The following VTA1 variants were observed in gnomAD, a reference collection of about 807,000 sequenced individuals.
VTA1 encodes the protein vesicle trafficking 1, also known as vacuolar protein sorting-associated protein VTA1 homolog.
Under a neutral mutation model 36.9 loss-of-function variants are expected in VTA1, and 24 were observed. That is an observed-to-expected ratio of 0.65 (90% confidence interval 0.47 to 0.91). The LOEUF (loss-of-function observed/expected upper bound fraction) is 0.91, where lower values mean the gene tolerates loss of function less well. Among genes scored for constraint, VTA1 ranks in the 40% least tolerant of loss-of-function variants. VTA1 has a pLI of 0.00. For missense variants in VTA1, 393 were observed against 377.2 expected, an observed-to-expected ratio of 1.04 and a Z score of -0.35; for synonymous variants, 142 against 130.2, an observed-to-expected ratio of 1.09 and a Z score of -0.62.
chr6:142,212,611 G>C (rs1775926348), intron 7 of VTA1, among the ~76,000 whole-genome samples: 1 of 152,136 alleles, frequency 6.6e-6, no homozygotes, highest in Non-Finnish European at 1.5e-5. Context: ...TTGCTATAAA[G>C]AACTACCTGA....
intron 7 of VTA1, among the ~76,000 whole-genome samples, chr6:142,213,487 C>T (rs534261963): frequency 2.2e-4 from 33 of 152,334 alleles, no homozygotes; most frequent in South Asian, 8.3e-4. Context: ...GCCCTCTTCT[C>T]ACAGCTCCAC....
chr6:142,185,270 G>C (rs1775319275), intron 4 of VTA1, among the ~76,000 whole-genome samples: 1 of 152,036 alleles, frequency 6.6e-6, no homozygotes, highest in Non-Finnish European at 1.5e-5. Context: ...CAGATGAGTA[G>C]CTCCCTAAGG....
Position 142,221,633 on chromosome 6 carries a change from A to G in VTA1, c.*2990A>G, listed in dbSNP as rs931004566. On this transcript the variant is annotated 3_prime_UTR_variant, in exon 8 of 8. Transcript: ENST00000367630. ...CCGTAAGGTGGGTGGTAAGTAAGGG[A>G]GGAAGCTGGGAGACCAGTTAAAAAG... 6.6e-6 allele frequency: 1 copy of G among 152,040 alleles called. No homozygotes were observed. Among genetic ancestry groups the G allele is most frequent in the African/African-American group, 2.4e-5 (1 of 41,382 alleles). The allele number at this position is 152,040 out of a possible 1,614,324, so 9.4% of individuals were successfully genotyped here.
At chr6:142,203,914 T>C (rs1775736820) in intron 6 of VTA1, 71 bp from the exon 7 acceptor site, 5 of 1,267,146 alleles carry the variant, frequency 3.9e-6, no homozygotes, top group Non-Finnish European at 4.5e-6. Context: ...TCATGATTTT[T>C]AAGTGCTGCC....
intron 4 of VTA1, among the ~76,000 whole-genome samples, chr6:142,172,495 A>G (rs956886023): frequency 2.0e-5 from 3 of 152,202 alleles, no homozygotes; most frequent in Non-Finnish European, 2.9e-5. Context: ...GCTCTCAGAT[A>G]TTTTATACTC....
chr6:142,188,299 C>T (rs1028916383), intron 4 of VTA1, among the ~76,000 whole-genome samples: 46 of 128,278 alleles, frequency 3.6e-4, no homozygotes, highest in Non-Finnish European at 6.1e-4. Context: ...GCAGTGGCGT[C>T]TGCCTCCTGG....
intron 4 of VTA1, among the ~76,000 whole-genome samples, chr6:142,176,094 A>G (rs776450997): frequency 3.3e-5 from 5 of 152,276 alleles, no homozygotes; most frequent in South Asian, 4.1e-4. Flanking sequence ...TTTTTCTGCT[A>G]TAGCATCTTG....
chr6:142,166,812 G>A (rs574951205), intron 2 of VTA1, among the ~76,000 whole-genome samples: 2 of 152,064 alleles, frequency 1.3e-5, no homozygotes, highest in South Asian at 4.1e-4. Flanking sequence ...TTTTGGTAGA[G>A]ATGGAGTTTG....
At chr6:142,186,684 T>G (rs1775345121) in intron 4 of VTA1, among the ~76,000 whole-genome samples, 1 of 152,054 alleles carries the variant, frequency 6.6e-6, no homozygotes, top group Non-Finnish European at 1.5e-5. Flanking sequence ...CAGTTTTAAT[T>G]TTAATTGTAT....
At chr6:142,185,014 A>G (rs1434793907) in intron 4 of VTA1, among the ~76,000 whole-genome samples, 3 of 152,054 alleles carry the variant, frequency 2.0e-5, no homozygotes. Flanking sequence ...TTATTCTCCA[A>G]GTATTTCCTT....
rs766034868 is a variant in VTA1 at position 142,218,519 on chromosome 6, A to T, written c.800A>T (p.Glu267Val). 2.5e-6 allele frequency: 4 copies of T among 1,613,372 alleles called. No homozygotes were observed. The highest frequency in any genetic ancestry group is 1.7e-4 in the Middle Eastern group (1 of 6,038). The change falls in exon 8 of 8, where the codon GAA becomes GTA. Residue 267 changes from glutamate to valine, a missense_variant. Glu to Val is a moderately radical substitution (Grantham distance 121, BLOSUM62 -2). Coordinates refer to ENST00000367630, the MANE Select transcript of VTA1 (RefSeq NM_016485.5). ...CTAGGGGATGTTCGTCTAACCCCAG[A>T]AGACTTTGCTAGAGCTCAGAAGTAC... Reference protein sequence around the residue: ...ISQGDVRLTPEDFARAQKYCK... With the variant: ...ISQGDVRLTPVDFARAQKYCK...
chr6:142,170,787 C>T (rs1417338800), intron 4 of VTA1, among the ~76,000 whole-genome samples: 2 of 151,972 alleles, frequency 1.3e-5, no homozygotes, highest in Non-Finnish European at 2.9e-5. Context: ...GCACAAGGCA[C>T]CATAGCTGGC....
At chr6:142,184,674 G>C (rs1321711541) in intron 4 of VTA1, among the ~76,000 whole-genome samples, 2 of 152,134 alleles carry the variant, frequency 1.3e-5, no homozygotes, top group Admixed American at 1.3e-4. Flanking sequence ...GAGAATGCAG[G>C]TAAGACAGGA....
At chr6:142,172,689 G>A (rs1775050574) in intron 4 of VTA1, among the ~76,000 whole-genome samples, 1 of 152,096 alleles carries the variant, frequency 6.6e-6, no homozygotes, top group Non-Finnish European at 1.5e-5. Context: ...CTAGTGTGAG[G>A]CACTATGCTA....
intron 6 of VTA1, among the ~76,000 whole-genome samples, chr6:142,203,261 T>C (rs1443200579): frequency 1.3e-5 from 2 of 152,052 alleles, no homozygotes; most frequent in African/African-American, 4.8e-5. Context: ...TCGAATTCAG[T>C]GTATTAGTTT....
intron 4 of VTA1, among the ~76,000 whole-genome samples, chr6:142,174,908 G>A (rs1278986099): frequency 6.6e-6 from 1 of 152,136 alleles, no homozygotes; most frequent in African/African-American, 2.4e-5. Flanking sequence ...AGAGCATCCT[G>A]GGCCTCACCA....
At chr6:142,164,197 TGAG>T (rs959015085) in intron 1 of VTA1, among the ~76,000 whole-genome samples, 1 of 152,182 alleles carries the variant, frequency 6.6e-6, no homozygotes, top group African/African-American at 2.4e-5. Flanking sequence ...AGCTTAAATT[TGAG>T]GAGGAAAGAG....
rs1039708377 is a variant in VTA1, at chr6:142,221,609, C to A, written c.*2966C>A. Reference sequence around the variant, plus strand: ...ATTGGCTCCTATGTTGAGAATAGACCGTAAGGTGGGTGGTAAGTAAGGGAG... The same window carrying A: ...ATTGGCTCCTATGTTGAGAATAGACAGTAAGGTGGGTGGTAAGTAAGGGAG... On this transcript the variant is annotated 3_prime_UTR_variant, in exon 8 of 8. Transcript: ENST00000367630. 16 of 151,608 alleles carry A rather than the reference C, an allele frequency of 1.1e-4. No homozygotes were observed. The highest frequency in any genetic ancestry group is 3.6e-4 in the African/African-American group (15 of 41,232). 9.4% of individuals were successfully genotyped at this position (151,608 alleles called of 1,614,324 possible). A position where few individuals can be genotyped will look rare whatever the true frequency, so the allele number is the denominator to read the frequency against.
At chr6:142,214,406 C>A (rs978764965) in intron 7 of VTA1, among the ~76,000 whole-genome samples, 7 of 152,110 alleles carry the variant, frequency 4.6e-5, no homozygotes, top group African/African-American at 1.7e-4. Context: ...GGGAAGCAGG[C>A]ACCTTCTTCA....
Sources: gnomAD v4.1 joint callset for allele counts (sites outside exome capture counted in the v4.1 genomes callset) on GRCh38, gnomAD v4.1.1 for gene constraint, MANE v1.5 for transcripts, NCBI Gene and HGNC (gene_info 2026-07-23, HGNC 2026-07-21) for gene names.